Variants in ME1 observed in about 807,000 individuals in gnomAD.
ME1 encodes malic enzyme 1, also known as NADP-dependent malic enzyme.
Under a neutral mutation model 66.4 loss-of-function variants are expected in ME1, and 74 were observed. The ratio of observed to expected loss-of-function variants is 1.11; its 90% CI spans 0.92 to 1.35. The LOEUF is 1.35. Ranked by LOEUF, ME1 falls within the 40% of genes most tolerant of loss-of-function variation. ME1 has a pLI of 0.00. For missense variants in ME1, 750 were observed against 694.1 expected (o/e 1.08, Z -0.90); for synonymous variants, 251 against 235.6 (o/e 1.07, Z -0.60).
At chr6:83,419,333 G>C (rs765539802) in intron 1 of ME1, among the ~76,000 whole-genome samples, 9 of 152,150 alleles carry the variant, frequency 5.9e-5, no homozygotes, top group Non-Finnish European at 1.0e-4. Flanking sequence ...GCAAATCATA[G>C]ATGGCTCAAC....
At chr6:83,402,509 C>A (rs983203259) in intron 2 of ME1, among the ~76,000 whole-genome samples, 3 of 152,138 alleles carry the variant, frequency 2.0e-5, no homozygotes, top group African/African-American at 7.2e-5. Flanking sequence ...CCACTTTGAG[C>A]ACCACATGCC....
intron 6 of ME1, among the ~76,000 whole-genome samples, chr6:83,300,286 G>A (rs1431098520): frequency 6.6e-6 from 1 of 151,972 alleles, no homozygotes; most frequent in Non-Finnish European, 1.5e-5. Context: ...AAAAACCCTG[G>A]AAAATAACCT....
At chr6:83,372,186 A>G (rs1159031071) in intron 3 of ME1, among the ~76,000 whole-genome samples, 1 of 152,148 alleles carries the variant, frequency 6.6e-6, no homozygotes, top group Non-Finnish European at 1.5e-5. Flanking sequence ...AGTGGGGTCG[A>G]TGTCTTCTCC....
At chr6:83,248,122 T>C (rs1790657337) in intron 7 of ME1, among the ~76,000 whole-genome samples, 1 of 152,146 alleles carries the variant, frequency 6.6e-6, no homozygotes, top group Non-Finnish European at 1.5e-5. Flanking sequence ...GACCTCTAAA[T>C]TCCTGGCCTT....
At chr6:83,248,587 A>G (rs898202142) in intron 7 of ME1, among the ~76,000 whole-genome samples, 3 of 151,798 alleles carry the variant, frequency 2.0e-5, no homozygotes, top group African/African-American at 7.3e-5. Flanking sequence ...TGAGGGAGGG[A>G]GGTAATTGGA....
rs1357969772 is a variant in ME1, at chr6:83,212,073, C to T, written c.1570G>A (p.Glu524Lys). The T allele has an allele frequency of 6.2e-7, 1 of 1,608,054 alleles. No homozygotes were observed. The highest frequency in any genetic ancestry group is 1.3e-5 in the African/African-American group (1 of 74,788). Residue 524 changes from glutamate (E) to lysine (K), a missense_variant, in exon 14 of 14, where the codon GAA becomes AAA. Physicochemically the swap from Glu to Lys is moderately conservative, Grantham distance 56. Transcript: ENST00000369705. ...TCAGGATAAACTGTGGCTGTCTTTT[C>T]TTGGTATGCATCTTTCACAATCTAG... ...AEKIVKDAYQ[E>K]KTATVYPEPQ...
intron 1 of ME1, among the ~76,000 whole-genome samples, chr6:83,424,578 GCTA>G (rs35321651): frequency 0.055 from 8,339 of 152,178 alleles, 284 homozygotes; most frequent in Admixed American, 0.096. Context: ...ATTGGCAATG[GCTA>G]CAAGCAAACC....
At chr6:83,280,842 C>T (rs1173344521) in intron 6 of ME1, among the ~76,000 whole-genome samples, 2 of 152,132 alleles carry the variant, frequency 1.3e-5, no homozygotes, top group Non-Finnish European at 1.5e-5. Context: ...ATATTTGTAT[C>T]TGCAGTGCCT....
chr6:83,319,275 CACATG>C (rs1562479757), intron 5 of ME1, among the ~76,000 whole-genome samples: 21 of 149,866 alleles, frequency 1.4e-4, no homozygotes, highest in Non-Finnish European at 2.7e-4. Context: ...GCACAATGTG[CACATG>C]TACCCTAAAA....
intron 2 of ME1, among the ~76,000 whole-genome samples, chr6:83,405,812 C>G (rs532925278): frequency 1.3e-5 from 2 of 150,478 alleles, no homozygotes; most frequent in Admixed American, 1.3e-4. Context: ...AGCTCCGCCT[C>G]CCGGGTTCAC....
At chr6:83,316,149 A>T (rs945258413) in intron 5 of ME1, among the ~76,000 whole-genome samples, 4 of 152,186 alleles carry the variant, frequency 2.6e-5, no homozygotes, top group Admixed American at 2.0e-4. Flanking sequence ...ATTATCAAAC[A>T]ATGGTTTTAC....
intron 1 of ME1, among the ~76,000 whole-genome samples, chr6:83,416,079 T>A (rs957980562): frequency 1.3e-5 from 2 of 152,152 alleles, no homozygotes; most frequent in African/African-American, 4.8e-5. Flanking sequence ...TATTTAACAC[T>A]TGATTTTGAG....
At chr6:83,280,440 T>C (rs762117031) in intron 6 of ME1, among the ~76,000 whole-genome samples, 6 of 152,180 alleles carry the variant, frequency 3.9e-5, no homozygotes, top group Non-Finnish European at 7.4e-5. Context: ...AAATGTATAC[T>C]ATAAACTCTG....
chr6:83,347,522 G>T (rs1275374221), intron 4 of ME1, among the ~76,000 whole-genome samples: 2 of 152,118 alleles, frequency 1.3e-5, no homozygotes, highest in Non-Finnish European at 2.9e-5. Context: ...TTGGTAAATT[G>T]GGAGTAATAA....
intron 11 of ME1, among the ~76,000 whole-genome samples, chr6:83,224,441 G>A (rs1485029415): frequency 2.6e-5 from 4 of 152,038 alleles, no homozygotes; most frequent in East Asian, 1.9e-4. Context: ...CCAGCACTTT[G>A]GGAGGCCGAG....
intron 6 of ME1, among the ~76,000 whole-genome samples, chr6:83,311,304 A>C (rs532452059): frequency 1.3e-5 from 2 of 152,310 alleles, no homozygotes; most frequent in East Asian, 3.9e-4. Flanking sequence ...AGGGTGTTTG[A>C]TTAAAAGGGC....
At chr6:83,241,202 T>C (rs1407885122) in intron 7 of ME1, among the ~76,000 whole-genome samples, 2 of 152,148 alleles carry the variant, frequency 1.3e-5, no homozygotes, top group African/African-American at 4.8e-5. Flanking sequence ...TAAGAAGTTA[T>C]TCAGAAATAG....
chr6:83,327,529 G>A (rs925505196), intron 5 of ME1, among the ~76,000 whole-genome samples: 28 of 152,186 alleles, frequency 1.8e-4, no homozygotes, highest in African/African-American at 3.6e-4. Context: ...CTCCCATAGC[G>A]CTCTCAGGCT....
rs1377892301 is a variant in ME1 at position 83,229,167 on chromosome 6, T to G, written c.1027-236A>C. On this transcript the variant is annotated intron_variant, in intron 9 of 13. Transcript: ENST00000369705. ...GTAACAGTGAACAAAACAAAGTCCT[T>G]CATTTAATTGATATTAAAAATCCTA... 9 of 565,830 alleles carry G rather than the reference T, an allele frequency of 1.6e-5. No homozygotes were observed. The Admixed American group carries it at 2.0e-4, about 12-fold the overall frequency. 35.1% of individuals were successfully genotyped at this position (565,830 alleles called of 1,614,324 possible).
Sources: allele counts gnomAD v4.1 joint callset (sites outside exome capture counted in the v4.1 genomes callset), GRCh38; gene constraint gnomAD v4.1.1; transcripts MANE v1.5; gene names NCBI Gene and HGNC (gene_info 2026-07-23, HGNC 2026-07-21).